SYNPO2: variants seen among roughly 807,000 people sequenced by gnomAD.
SYNPO2 encodes synaptopodin 2.
A neutral mutation model predicts 85.0 loss-of-function variants in SYNPO2; 56 were observed. That is an observed-to-expected ratio of 0.66 (90% CI 0.53 to 0.82). SYNPO2 has a LOEUF of 0.82. SYNPO2 is among the 40% of genes least tolerant of loss of function. The probability of loss-of-function intolerance (pLI) is 0.00; values close to 1 mark genes in which losing one functional copy is unlikely to be tolerated. For synonymous variants in SYNPO2, 602 were observed against 591.1 expected, an observed-to-expected ratio of 1.02 and a Z score of -0.27; for missense variants, 1,575 against 1,534.2, an observed-to-expected ratio of 1.03 and a Z score of -0.44.
In SYNPO2 at chr4:119,007,263, T is replaced by TATGTATATAC. The variant is rs1553945966; in HGVS notation, c.106-16165_106-16164insGTATATACAT. The stretch of plus-strand genomic sequence containing the variant: ...ATATATATGTATATACATATATATA[T>TATGTATATAC]ATATATATATATGTATATACATATA... On this transcript the variant is annotated intron_variant, in intron 1 of 4. Transcript: ENST00000307142. Among the ~76,000 whole-genome samples the TATGTATATAC allele has an allele frequency of 4.0e-4, 31 of 77,780 alleles. 1 individual carries two copies. Among genetic ancestry groups the TATGTATATAC allele is most frequent in the African/African-American group, 1.0e-3 (18 of 17,714 alleles). The allele number at this position is 77,780 out of a possible 152,430, so 51.0% of individuals were successfully genotyped here. A position where few individuals can be genotyped will look rare whatever the true frequency, so the allele number is the denominator to read the frequency against.
intron 3 of SYNPO2, among the ~76,000 whole-genome samples, 187 bp from the exon 4 acceptor site, chr4:119,029,658 T>C (rs1289009050): frequency 6.6e-6 from 1 of 152,148 alleles, no homozygotes; most frequent in East Asian, 1.9e-4. Flanking sequence ...AACAGTATAT[T>C]ATTGTAGAAG....
At chr4:118,999,576 C>G (rs1182311274) in intron 1 of SYNPO2, among the ~76,000 whole-genome samples, 1 of 151,696 alleles carries the variant, frequency 6.6e-6, no homozygotes, top group Non-Finnish European at 1.5e-5. Flanking sequence ...ACCCAGCTAG[C>G]TTGTATGTAT....
At chr4:118,943,727 C>T (rs185341106) in intron 1 of SYNPO2, among the ~76,000 whole-genome samples, 2 of 152,178 alleles carry the variant, frequency 1.3e-5, no homozygotes, top group Non-Finnish European at 2.9e-5. Context: ...CATCCATACT[C>T]CCAATGCCAT....
intron 4 of SYNPO2, chr4:119,034,171 A>G: frequency 1.0e-6 from 1 of 985,476 alleles, no homozygotes; most frequent in Non-Finnish European, 1.2e-6. Flanking sequence ...ATTCTTTTCT[A>G]ATAGAACAAC....
intron 1 of SYNPO2, among the ~76,000 whole-genome samples, chr4:118,982,697 A>C (rs1266254124): frequency 6.6e-6 from 1 of 152,170 alleles, no homozygotes; most frequent in Non-Finnish European, 1.5e-5. Context: ...GAGATATTTA[A>C]GTTCTCTTTC....
chr4:119,056,563 TAA>T (rs1028859430), intron 4 of SYNPO2, among the ~76,000 whole-genome samples: 7 of 152,016 alleles, frequency 4.6e-5, no homozygotes, highest in Non-Finnish European at 1.0e-4. Flanking sequence ...CTCTATATAA[TAA>T]TAATTAATAA....
chr4:118,877,597 T>A (rs961815234), intron 1 of SYNPO2, among the ~76,000 whole-genome samples: 3 of 152,098 alleles, frequency 2.0e-5, no homozygotes, highest in Non-Finnish European at 4.4e-5. Flanking sequence ...AACAAGCATA[T>A]GAAAAGAAGA....
intron 1 of SYNPO2, among the ~76,000 whole-genome samples, chr4:118,943,944 A>G (rs896855498): frequency 2.0e-5 from 3 of 152,322 alleles, no homozygotes; most frequent in Non-Finnish European, 2.9e-5. Flanking sequence ...TTTCAGTGCT[A>G]CATACCTACG....
At chr4:118,988,088 G>A (rs186845542) in intron 1 of SYNPO2, among the ~76,000 whole-genome samples, 9 of 152,258 alleles carry the variant, frequency 5.9e-5, no homozygotes, top group African/African-American at 2.2e-4. Context: ...CACATGTACT[G>A]CCTCAATTTT....
At chr4:119,020,086 T>C (rs1195268198) in intron 1 of SYNPO2, among the ~76,000 whole-genome samples, 1 of 152,176 alleles carries the variant, frequency 6.6e-6, no homozygotes, top group African/African-American at 2.4e-5. Context: ...GGTACACTAA[T>C]ACATGTTTAT....
intron 1 of SYNPO2, among the ~76,000 whole-genome samples, chr4:118,942,323 ATCTG>A (rs1278714169): frequency 6.6e-6 from 1 of 152,228 alleles, no homozygotes; most frequent in Non-Finnish European, 1.5e-5. Context: ...GAGAGCAGAC[ATCTG>A]TCTATCTTGT....
At chr4:118,861,656 T>G (rs1578504122) in intron 1 of SYNPO2, among the ~76,000 whole-genome samples, 1 of 152,186 alleles carries the variant, frequency 6.6e-6, no homozygotes, top group Non-Finnish European at 1.5e-5. Context: ...TCACTGTAGA[T>G]GTATGGATTT....
chr4:118,908,928 G>A (rs997476249), intron 1 of SYNPO2, among the ~76,000 whole-genome samples: 14 of 152,106 alleles, frequency 9.2e-5, no homozygotes, highest in African/African-American at 3.1e-4. Context: ...CTATCTGGTT[G>A]TTAGAAAAAG....
At chr4:118,904,605 G>A (rs1732872023) in intron 1 of SYNPO2, among the ~76,000 whole-genome samples, 1 of 152,186 alleles carries the variant, frequency 6.6e-6, no homozygotes, top group Non-Finnish European at 1.5e-5. Context: ...CTTTGGCAAA[G>A]GCTAATGAGG....
At chr4:119,003,338 C>G (rs1011235403) in intron 1 of SYNPO2, among the ~76,000 whole-genome samples, 1 of 152,270 alleles carries the variant, frequency 6.6e-6, no homozygotes, top group South Asian at 2.1e-4. Context: ...ATCATGAGAA[C>G]AGCATGGGGG....
At chr4:118,857,258 A>T (rs1380640282) in intron 1 of SYNPO2, among the ~76,000 whole-genome samples, 1 of 152,212 alleles carries the variant, frequency 6.6e-6, no homozygotes, top group Non-Finnish European at 1.5e-5. Flanking sequence ...AGAAGTGCAA[A>T]AGAAACACTA....
rs140491463 is a variant in SYNPO2 at position 119,041,955 on chromosome 4, C to G, written c.3252+9928C>G. The G allele has an allele frequency of 2.0e-5, 3 of 152,292 alleles. No homozygotes were observed. The East Asian group carries it at 5.8e-4, about 29-fold the overall frequency. The allele number at this position is 152,292 out of a possible 1,614,324, so 9.4% of individuals were successfully genotyped here. On this transcript the variant is annotated intron_variant, in intron 4 of 4. Coordinates refer to ENST00000307142, the MANE Select transcript of SYNPO2 (RefSeq NM_133477.3). ...GCTGTGAACTACACTTTGAATAACACTTTTCTAACATGCAAACCACTTAAA... is the reference window on the plus strand; with the variant it reads ...GCTGTGAACTACACTTTGAATAACAGTTTTCTAACATGCAAACCACTTAAA...
At chr4:118,916,508 T>A (rs1016106192) in intron 1 of SYNPO2, among the ~76,000 whole-genome samples, 1 of 151,916 alleles carries the variant, frequency 6.6e-6, no homozygotes, top group Non-Finnish European at 1.5e-5. Flanking sequence ...TTTCAGGTTT[T>A]GTTAGAGAAA....
chr4:118,862,166 T>C (rs1273457318), intron 1 of SYNPO2, among the ~76,000 whole-genome samples: 1 of 152,250 alleles, frequency 6.6e-6, no homozygotes, highest in Non-Finnish European at 1.5e-5. Context: ...ATGCTACTGA[T>C]ATTTGTATGT....
Sources: allele counts gnomAD v4.1 joint callset (sites outside exome capture counted in the v4.1 genomes callset), GRCh38; gene constraint gnomAD v4.1.1; transcripts MANE v1.5; gene names NCBI Gene and HGNC (gene_info 2026-07-23, HGNC 2026-07-21).